The following OR51B5 variants were observed in gnomAD, a reference collection of about 807,000 sequenced individuals.
OR51B5 encodes olfactory receptor family 51 subfamily B member 5.
For missense variants in OR51B5, 456 were observed against 374.6 expected, an observed-to-expected ratio of 1.22 and a Z score of -1.79; for synonymous variants, 186 against 144.8, an observed-to-expected ratio of 1.28 and a Z score of -2.04.
chr11:5,420,577 T>C (rs1275754221), intron 1 of OR51B5, among the ~76,000 whole-genome samples: 2 of 152,056 alleles, frequency 1.3e-5, no homozygotes, highest in Non-Finnish European at 2.9e-5. Context: ...CATTTTTTGC[T>C]ACAGAGAAAA....
intron 1 of OR51B5, among the ~76,000 whole-genome samples, chr11:5,396,536 C>A (rs1443936232): frequency 1.4e-5 from 1 of 72,432 alleles, no homozygotes; most frequent in Non-Finnish European, 2.9e-5. Context: ...GAACTACAAA[C>A]CACTGCTCAA....
chr11:5,380,893 G>C (rs1849597909), intron 1 of OR51B5, among the ~76,000 whole-genome samples: 1 of 152,072 alleles, frequency 6.6e-6, no homozygotes, highest in Admixed American at 6.6e-5. Flanking sequence ...TAGGGCCTTG[G>C]TGCTGGTCAG....
intron 1 of OR51B5, among the ~76,000 whole-genome samples, chr11:5,478,448 G>A (rs1851354449): frequency 6.6e-6 from 1 of 152,070 alleles, no homozygotes; most frequent in African/African-American, 2.4e-5. Context: ...CTAAAAAGCA[G>A]AGCACCTCTC....
intron 1 of OR51B5, among the ~76,000 whole-genome samples, chr11:5,470,387 CA>C (rs1851210146): frequency 6.6e-6 from 1 of 152,210 alleles, no homozygotes; most frequent in African/African-American, 2.4e-5. Flanking sequence ...ATTGCCCCCT[CA>C]TTTCTTCTGA....
At chr11:5,361,008 G>GGGGGGGGGGGGGGA (rs1849276128) in intron 1 of OR51B5, among the ~76,000 whole-genome samples, 3 of 146,792 alleles carry the variant, frequency 2.0e-5, no homozygotes, top group African/African-American at 2.5e-5. Flanking sequence ...GGGTCGGGGG[G>GGGGGGGGGGGGGGA]AGGGATAGCA....
At chr11:5,359,255 G>GC (rs755536626) in intron 1 of OR51B5, among the ~76,000 whole-genome samples, 12 of 148,108 alleles carry the variant, frequency 8.1e-5, no homozygotes, top group Non-Finnish European at 1.6e-4. Flanking sequence ...CACTGTCTCA[G>GC]CCCAAAATGT....
At chr11:5,489,600 T>C (rs1379160161) in intron 1 of OR51B5, 1 of 1,613,990 alleles carries the variant, frequency 6.2e-7, no homozygotes, top group Admixed American at 1.7e-5. Flanking sequence ...TCTATGGAGC[T>C]AGAACCAAGG....
chr11:5,467,965 T>C (rs11037596), intron 1 of OR51B5, among the ~76,000 whole-genome samples: 3 of 152,200 alleles, frequency 2.0e-5, no homozygotes, highest in African/African-American at 7.2e-5. Context: ...ATGTGTTGTA[T>C]GGTTTCTATT....
At chr11:5,393,007 T>C (rs1387494685) in intron 1 of OR51B5, 1 of 152,256 alleles carries the variant, frequency 6.6e-6, no homozygotes, top group Non-Finnish European at 1.5e-5. Flanking sequence ...CATAATTTAA[T>C]TTGCCTTTTA....
Position 5,470,016 on chromosome 11 carries a change from A to T in OR51B5, n.84+35553T>A, listed in dbSNP as rs147821483. 8.3e-3 allele frequency among the ~76,000 whole-genome samples: 1,267 copies of T among 151,748 alleles called. 7 individuals carry two copies. The highest frequency in any genetic ancestry group is 0.018 in the Admixed American group (278 of 15,240). On this transcript the variant is annotated intron_variant and non_coding_transcript_variant, in intron 1 of 4. Coordinates refer to the OR51B5 transcript ENST00000415970. ...AGAATGTCACATTCCTCCACACCTG[A>T]CTCTCTTGGTTTTGCCTTTCTATAT...
chr11:5,394,829 T>C (rs1419016166), intron 1 of OR51B5, among the ~76,000 whole-genome samples: 3 of 152,226 alleles, frequency 2.0e-5, no homozygotes, highest in Non-Finnish European at 4.4e-5. Flanking sequence ...AGACAGAGTT[T>C]GTGTCTTATT....
At chr11:5,347,290 C>T (rs929771994), upstream of OR51B5, among the ~76,000 whole-genome samples, 7 of 152,164 alleles carry the variant, frequency 4.6e-5, no homozygotes, top group African/African-American at 1.7e-4. Context: ...TGAATTTCTA[C>T]TATATTTCCT....
At chr11:5,370,383 G>C (rs1849429679) in intron 1 of OR51B5, among the ~76,000 whole-genome samples, 3 of 152,164 alleles carry the variant, frequency 2.0e-5, no homozygotes. Flanking sequence ...AACTAAAATA[G>C]CTGGGTTGTC....
rs192547801 is a variant in OR51B5 at position 5,401,608 on chromosome 11, C to T, written n.85-54698G>A. On this transcript the variant is annotated intron_variant and non_coding_transcript_variant, in intron 1 of 4. Transcript: ENST00000415970. ...TTTTTAGCTCTTTTTATATACCATG[C>T]TATAGACCTTGTCTTTGTATATTTA... 1.5e-4 allele frequency among the ~76,000 whole-genome samples: 23 copies of T among 152,294 alleles called. No individual in the cohort carries two copies. The East Asian group carries it at 2.3e-3, about 15-fold the overall frequency.
At chr11:5,471,534 T>C (rs1007385152) in intron 1 of OR51B5, among the ~76,000 whole-genome samples, 5 of 151,356 alleles carry the variant, frequency 3.3e-5, no homozygotes, top group Admixed American at 6.6e-5. Flanking sequence ...TACTCGGGAG[T>C]CTGAGGCAGT....
At chr11:5,452,051 G>A (rs1401902208) in intron 1 of OR51B5, among the ~76,000 whole-genome samples, 7 of 152,216 alleles carry the variant, frequency 4.6e-5, no homozygotes, top group Admixed American at 1.3e-4. Flanking sequence ...GTGTGGGTTA[G>A]TAGATTAATA....
chr11:5,352,528 G>C, intron 1 of OR51B5: 1 of 844,804 alleles, frequency 1.2e-6, no homozygotes. Context: ...ACTAGGGAAA[G>C]TCATTTCAAT....
At chr11:5,404,503 G>A (rs1490604375) in intron 1 of OR51B5, among the ~76,000 whole-genome samples, 3 of 151,388 alleles carry the variant, frequency 2.0e-5, no homozygotes. Flanking sequence ...CTGTAAAATG[G>A]ACCAATCAGC....
chr11:5,367,824 C>T (rs925021394), intron 1 of OR51B5, among the ~76,000 whole-genome samples: 2 of 152,188 alleles, frequency 1.3e-5, no homozygotes, highest in African/African-American at 4.8e-5. Flanking sequence ...AATAGAGGCA[C>T]TTGCACAATA....
Sources: allele counts gnomAD v4.1 joint callset (sites outside exome capture counted in the v4.1 genomes callset), GRCh38; gene constraint gnomAD v4.1.1; transcripts MANE v1.5; gene names NCBI Gene and HGNC (gene_info 2026-07-23, HGNC 2026-07-21).